SHC3: variants seen among roughly 807,000 people sequenced by gnomAD.
SHC3 encodes SHC-transforming protein 3.
SHC3 carries 15 observed loss-of-function variants against 60.4 expected under a neutral mutation model. The ratio of observed to expected loss-of-function variants is 0.25; its 90% CI spans 0.17 to 0.38. The LOEUF (loss-of-function observed/expected upper bound fraction) is 0.38. Among genes scored for constraint, SHC3 ranks in the 10% least tolerant of loss-of-function variants. SHC3 has a pLI of 1.00. For synonymous variants in SHC3, 294 were observed against 325.9 expected, an observed-to-expected ratio of 0.90 and a Z score of 1.05; for missense variants, 677 against 786.1, an observed-to-expected ratio of 0.86 and a Z score of 1.66.
At chr9:89,017,278 C>T (rs9410443) in intron 11 of SHC3, among the ~76,000 whole-genome samples, 149,248 of 152,364 alleles carry the variant, frequency 0.98, 73,137 homozygotes, top group Middle Eastern at 1. Flanking sequence ...CAAAACAGCA[C>T]GGTACTAGTA....
chr9:89,124,487 A>C (rs28728177), intron 1 of SHC3, among the ~76,000 whole-genome samples: 34,836 of 152,116 alleles, frequency 0.23, 4,305 homozygotes, highest in African/African-American at 0.31. Flanking sequence ...CACATATACA[A>C]CATGGAATAC....
intron 11 of SHC3, among the ~76,000 whole-genome samples, chr9:89,016,646 C>T (rs1826099634): frequency 6.6e-6 from 1 of 152,104 alleles, no homozygotes; most frequent in African/African-American, 2.4e-5. Flanking sequence ...AAGATAGAAT[C>T]AGAGAACATA....
At chr9:89,177,178 G>A (rs1195196902) in intron 1 of SHC3, among the ~76,000 whole-genome samples, 1 of 152,218 alleles carries the variant, frequency 6.6e-6, no homozygotes, top group Non-Finnish European at 1.5e-5. Context: ...GAACTGTGCT[G>A]AGCATTTTTC....
chr9:89,166,005 C>A (rs1323153470), intron 1 of SHC3, among the ~76,000 whole-genome samples: 2 of 152,174 alleles, frequency 1.3e-5, no homozygotes, highest in South Asian at 4.1e-4. Context: ...TCCCACCATA[C>A]TTGCCAAAGT....
chr9:89,093,504 T>C (rs1048973030), intron 2 of SHC3, among the ~76,000 whole-genome samples: 2 of 146,458 alleles, frequency 1.4e-5, no homozygotes, highest in African/African-American at 2.5e-5. Context: ...TTCCAGCACA[T>C]ACAAAATATG....
intron 6 of SHC3, among the ~76,000 whole-genome samples, chr9:89,056,647 G>A (rs528809942): frequency 3.3e-5 from 5 of 152,170 alleles, no homozygotes; most frequent in African/African-American, 7.2e-5. Context: ...ACTTTGCTTC[G>A]CCGCTCACCC....
chr9:89,013,657 C>T, intron 11 of SHC3, 82 bp from the exon 12 acceptor site: 2 of 1,516,032 alleles, frequency 1.3e-6, no homozygotes, highest in South Asian at 1.3e-5. Context: ...TCAGCCAGAC[C>T]ATCTGAACTG....
chr9:89,051,826 G>C (rs1302307717), intron 7 of SHC3, among the ~76,000 whole-genome samples: 1 of 152,188 alleles, frequency 6.6e-6, no homozygotes, highest in Non-Finnish European at 1.5e-5. Context: ...TCAAGAAAAT[G>C]TTTTTCTACA....
chr9:89,172,024 C>T (rs1389109856), intron 1 of SHC3, among the ~76,000 whole-genome samples: 1 of 152,230 alleles, frequency 6.6e-6, no homozygotes, highest in Non-Finnish European at 1.5e-5. Context: ...AGAGCAGTGC[C>T]TCTTCCAGTC....
At chr9:89,079,490 T>A (rs1241296551) in intron 2 of SHC3, among the ~76,000 whole-genome samples, 1 of 152,196 alleles carries the variant, frequency 6.6e-6, no homozygotes, top group Non-Finnish European at 1.5e-5. Context: ...TCCATAAATA[T>A]TCCTGATAAG....
Position 89,178,505 on chromosome 9 carries a change from C to G in SHC3, c.-45G>C, listed in dbSNP as rs750356896. ...GCATCCGCCCGGGCGCTGCTGGTGC[C>G]GGCCCCGGCGCGGGCTGCCGCGCAT... On this transcript the variant is annotated 5_prime_UTR_variant, in exon 1 of 12. Coordinates refer to ENST00000375835, the MANE Select transcript of SHC3 (RefSeq NM_016848.6). This position sits in a 1 kb window ranked among gnomAD's most constrained non-coding sequence, Gnocchi z 6.9. 2.8e-5 allele frequency: 40 copies of G among 1,413,810 alleles called. No individual in the cohort carries two copies. In the Middle Eastern group the frequency reaches 5.6e-4, roughly 20 times the overall value. The allele number at this position is 1,413,810 out of a possible 1,614,324, so 87.6% of individuals were successfully genotyped here. A position where few individuals can be genotyped will look rare whatever the true frequency, so the allele number is the denominator to read the frequency against.
intron 1 of SHC3, among the ~76,000 whole-genome samples, chr9:89,157,350 C>T (rs1826637272): frequency 1.3e-5 from 2 of 152,202 alleles, no homozygotes; most frequent in African/African-American, 4.8e-5. Context: ...TTAATGTGGC[C>T]ACAGGCCAAA....
chr9:89,087,190 G>A (rs1201593376), intron 2 of SHC3, among the ~76,000 whole-genome samples: 1 of 152,100 alleles, frequency 6.6e-6, no homozygotes, highest in Non-Finnish European at 1.5e-5. Context: ...GGAAACTGAT[G>A]GCAACAAAGT....
intron 1 of SHC3, among the ~76,000 whole-genome samples, chr9:89,129,366 A>G (rs1187452104): frequency 6.6e-6 from 1 of 152,236 alleles, no homozygotes; most frequent in East Asian, 1.9e-4. Flanking sequence ...TCCCCAACCT[A>G]GCAAGGTAGG....
rs372264980 is a variant in SHC3, at chr9:89,060,193, C to T, written c.835+5336G>A. Among the ~76,000 whole-genome samples the T allele has an allele frequency of 1.6e-3, 208 of 132,880 alleles. 2 individuals are homozygous for T. The highest frequency in any genetic ancestry group is 5.8e-3 in the African/African-American group (200 of 34,616). The allele number at this position is 132,880 out of a possible 152,430, so 87.2% of individuals were successfully genotyped here. A position where few individuals can be genotyped will look rare whatever the true frequency, so the allele number is the denominator to read the frequency against. ...ATGTGGTGGAGGACATGGTGTAGGA[C>T]GTGGTGGAGGGTGGTGGTGGAGGAT... is the stretch of plus-strand genomic sequence containing the variant. On this transcript the variant is annotated intron_variant, in intron 6 of 11. Transcript: ENST00000375835.
At chr9:89,102,742 GA>G (rs1234972647) in intron 2 of SHC3, among the ~76,000 whole-genome samples, 1 of 152,100 alleles carries the variant, frequency 6.6e-6, no homozygotes, top group Admixed American at 6.5e-5. Flanking sequence ...CCATTGGTGA[GA>G]AAAAAACATT....
chr9:89,080,023 A>T (rs1037846854), intron 2 of SHC3, among the ~76,000 whole-genome samples: 1 of 152,362 alleles, frequency 6.6e-6, no homozygotes, highest in Non-Finnish European at 1.5e-5. Flanking sequence ...GAAATGCAGC[A>T]TAACTATTAA....
At chr9:89,078,628 G>C (rs1444676622) in intron 2 of SHC3, among the ~76,000 whole-genome samples, 1 of 152,184 alleles carries the variant, frequency 6.6e-6, no homozygotes, top group Non-Finnish European at 1.5e-5. Flanking sequence ...GGACCCCAGA[G>C]GGTGAGGAAG....
chr9:89,089,229 C>T (rs1015869016), intron 2 of SHC3, among the ~76,000 whole-genome samples: 2 of 152,104 alleles, frequency 1.3e-5, no homozygotes, highest in African/African-American at 2.4e-5. Context: ...TTGTGTATTT[C>T]TATGTGCATG....
Sources: allele counts gnomAD v4.1 joint callset (sites outside exome capture counted in the v4.1 genomes callset), GRCh38; gene constraint gnomAD v4.1.1; non-coding constraint Gnocchi (gnomAD v3.1); transcripts MANE v1.5; gene names NCBI Gene and HGNC (gene_info 2026-07-23, HGNC 2026-07-21).